The following PCLO variants were observed in gnomAD, a reference collection of about 807,000 sequenced individuals.
PCLO encodes protein piccolo.
In PCLO, 82 loss-of-function variants were observed where a neutral mutation model predicts 427.5. The ratio of observed to expected loss-of-function variants is 0.19; its 90% CI spans 0.16 to 0.23. The LOEUF is 0.23. Among genes scored for constraint, PCLO ranks in the 10% least tolerant of loss-of-function variants. PCLO has a pLI of 1.00. For missense variants in PCLO, 6,239 were observed against 6,115.9 expected (o/e 1.02, Z -0.67); for synonymous variants, 2,357 against 2,155.4 (o/e 1.09, Z -2.59).
At chr7:82,811,569 C>A (rs1791572308) in intron 20 of PCLO, among the ~76,000 whole-genome samples, 2 of 151,588 alleles carry the variant, frequency 1.3e-5, no homozygotes, top group African/African-American at 2.4e-5. Context: ...TATGTACAAT[C>A]ACACTTCATG....
rs1292473516 is a variant in PCLO, at chr7:83,035,903, G to A, written c.3301-69416C>T. ...CCCGTTTTTATTACACTACATTAGAGAGTGAAAAATTGAGGCACAAGCACT... is the reference window on the plus strand; with the variant it reads ...CCCGTTTTTATTACACTACATTAGAAAGTGAAAAATTGAGGCACAAGCACT... On this transcript the variant is annotated intron_variant, in intron 3 of 24. Transcript: ENST00000333891. Among the ~76,000 whole-genome samples the A allele has an allele frequency of 2.0e-5, 3 of 152,126 alleles. No individual in the cohort carries two copies. In the East Asian group the frequency reaches 5.8e-4, roughly 29 times the overall value.
At chr7:83,137,715 G>A (rs539736337) in intron 2 of PCLO, among the ~76,000 whole-genome samples, 5 of 151,826 alleles carry the variant, frequency 3.3e-5, no homozygotes, top group Admixed American at 1.3e-4. Flanking sequence ...ACACAGGCAT[G>A]AGCCACCACG....
chr7:83,137,277 C>T (rs1223919480), intron 2 of PCLO, among the ~76,000 whole-genome samples: 1 of 152,166 alleles, frequency 6.6e-6, no homozygotes, highest in Non-Finnish European at 1.5e-5. Context: ...GCTTATTTTG[C>T]ACTCTCACGG....
At chr7:82,827,646 T>G (rs1791977755) in intron 17 of PCLO, among the ~76,000 whole-genome samples, 1 of 152,124 alleles carries the variant, frequency 6.6e-6, no homozygotes, top group Admixed American at 6.6e-5. Context: ...GTTTTCTTAT[T>G]TTATTTGTTT....
intron 3 of PCLO, among the ~76,000 whole-genome samples, chr7:83,122,517 C>G (rs1348129306): frequency 1.3e-5 from 2 of 152,046 alleles, no homozygotes; most frequent in Non-Finnish European, 2.9e-5. Flanking sequence ...AACTGCTGAC[C>G]TCAGGTGATC....
intron 3 of PCLO, among the ~76,000 whole-genome samples, chr7:83,107,293 A>T (rs1790881831): frequency 6.6e-6 from 1 of 152,146 alleles, no homozygotes; most frequent in Non-Finnish European, 1.5e-5. Context: ...TATGTAGAAT[A>T]TCCATCCCAT....
Position 82,949,664 on chromosome 7 carries a change from G to A in PCLO, c.10924C>T (p.Pro3642Ser). The A allele has an allele frequency of 1.2e-6, 2 of 1,613,824 alleles. No individual in the cohort carries two copies. Among genetic ancestry groups the A allele is most frequent in the Non-Finnish European group, 8.5e-7 (1 of 1,179,832 alleles). Residue 3642 changes from proline (P) to serine (S), a missense_variant, in exon 6 of 25, where the codon CCT (proline) becomes TCT (serine). Physicochemically the swap from Pro to Ser is moderately conservative, Grantham distance 74 (BLOSUM62 -1). This residue lies in a region of PCLO where 4,677 missense variants were observed against 4,468.4 expected (regional missense o/e 1.05). Coordinates refer to ENST00000333891, the MANE Select transcript of PCLO (RefSeq NM_033026.6). Reference sequence around the variant, plus strand: ...TCATCAGGGAGGGGTTTTTCATAAGGTACAAAGGCTGATTCTAAGGCTTTG... The same window carrying A: ...TCATCAGGGAGGGGTTTTTCATAAGATACAAAGGCTGATTCTAAGGCTTTG... ...PGKALESAFV[P>S]YEKPLPDDIS...
At chr7:82,768,766 C>T (rs1314718378) in intron 22 of PCLO, among the ~76,000 whole-genome samples, 1 of 152,018 alleles carries the variant, frequency 6.6e-6, no homozygotes, top group African/African-American at 2.4e-5. Context: ...CAATGGCCTT[C>T]TCACTTTTGA....
In PCLO at chr7:83,155,900, A is replaced by T; in HGVS notation, c.741T>A (p.Ile247=). 6.2e-7 allele frequency: 1 copy of T among 1,613,652 alleles called. No individual in the cohort carries two copies. The highest frequency in any genetic ancestry group is 2.2e-5 in the East Asian group (1 of 44,852). The change falls in exon 2 of 25, where the codon ATT becomes ATA. Residue 247 remains isoleucine (I), a synonymous_variant. Coordinates refer to ENST00000333891, the MANE Select transcript of PCLO (RefSeq NM_033026.6). ...KSISSQQPEK[I]KSQPPGTGKP... ...TTCCTGTACCTGGAGGTTGTGATTTAATTTTTTCTGGTTGTTGAGAAGATA... is the reference window on the plus strand; with the variant it reads ...TTCCTGTACCTGGAGGTTGTGATTTTATTTTTTCTGGTTGTTGAGAAGATA...
intron 22 of PCLO, among the ~76,000 whole-genome samples, chr7:82,772,614 T>C (rs1790670021): frequency 6.6e-6 from 1 of 152,174 alleles, no homozygotes; most frequent in Non-Finnish European, 1.5e-5. Flanking sequence ...TCTGTGAAAG[T>C]AGGACAAGCC....
intron 20 of PCLO, chr7:82,820,899 C>A: frequency 8.1e-7 from 1 of 1,230,186 alleles, no homozygotes; most frequent in Non-Finnish European, 1.0e-6. Context: ...ATGCCCAGTG[C>A]ATAGAAAAAT....
intron 12 of PCLO, among the ~76,000 whole-genome samples, chr7:82,845,863 A>T (rs1458655782): frequency 6.6e-6 from 1 of 152,062 alleles, no homozygotes; most frequent in African/African-American, 2.4e-5. Flanking sequence ...TAAGGGGAAA[A>T]TTTTCTAAGG....
At chr7:82,902,145 T>C (rs933345987) in intron 9 of PCLO, among the ~76,000 whole-genome samples, 2 of 152,022 alleles carry the variant, frequency 1.3e-5, no homozygotes, top group African/African-American at 4.8e-5. Flanking sequence ...ATTGCGGGAC[T>C]ATTCACAATA....
At chr7:83,068,668 C>T (rs558336370) in intron 3 of PCLO, among the ~76,000 whole-genome samples, 2 of 152,098 alleles carry the variant, frequency 1.3e-5, no homozygotes, top group African/African-American at 2.4e-5. Context: ...AGCCCTTGTA[C>T]ACTGTAGGAA....
chr7:83,161,940 C>CTT (rs1416155502), intron 1 of PCLO, among the ~76,000 whole-genome samples: 32 of 152,108 alleles, frequency 2.1e-4, no homozygotes, highest in Admixed American at 2.6e-4. Flanking sequence ...GAAAAAGACC[C>CTT]GCAATGGCCA....
At chr7:82,972,941 A>G (rs1389369263) in intron 3 of PCLO, among the ~76,000 whole-genome samples, 1 of 152,070 alleles carries the variant, frequency 6.6e-6, no homozygotes, top group Non-Finnish European at 1.5e-5. Flanking sequence ...TATCAATGTT[A>G]TTTACAATCT....
chr7:82,839,818 C>T (rs1792321509), intron 14 of PCLO, among the ~76,000 whole-genome samples: 1 of 152,036 alleles, frequency 6.6e-6, no homozygotes, highest in Admixed American at 6.6e-5. Flanking sequence ...CAGCAATCTT[C>T]AATCACAGCG....
chr7:82,895,853 G>A (rs1793891247), intron 9 of PCLO, among the ~76,000 whole-genome samples: 2 of 151,874 alleles, frequency 1.3e-5, no homozygotes, highest in African/African-American at 2.4e-5. Flanking sequence ...TAGGCCAGGT[G>A]ATTTCATTGG....
At chr7:82,790,159 C>G (rs1364089804) in intron 22 of PCLO, among the ~76,000 whole-genome samples, 1 of 152,098 alleles carries the variant, frequency 6.6e-6, no homozygotes, top group African/African-American at 2.4e-5. Flanking sequence ...TGCCTCCAAA[C>G]GAGTCCCCCA....
Sources: allele counts gnomAD v4.1 joint callset (sites outside exome capture counted in the v4.1 genomes callset), GRCh38; gene constraint gnomAD v4.1.1; regional missense constraint gnomAD v4.1.1; transcripts MANE v1.5; gene names NCBI Gene and HGNC (gene_info 2026-07-23, HGNC 2026-07-21).